The following RPP30 variants were observed in gnomAD, a reference collection of about 807,000 sequenced individuals.
RPP30 encodes ribonuclease P/MRP subunit p30, also known as ribonuclease P protein subunit p30.
A neutral mutation model predicts 38.6 loss-of-function variants in RPP30; 36 were observed. The observed-to-expected ratio is 0.93, with a 90% CI of 0.71 to 1.23. The LOEUF is 1.23. Ranked by LOEUF, RPP30 falls within the 50% of genes most tolerant of loss-of-function variation. The pLI is 0.00. For synonymous variants in RPP30, 126 were observed against 112.7 expected (o/e 1.12, Z -0.75); for missense variants, 321 against 321.7 (o/e 1.00, Z 0.02).
intron 7 of RPP30, 78 bp downstream of exon 7, chr10:90,894,969 C>G: frequency 1.0e-6 from 1 of 976,948 alleles, no homozygotes; most frequent in Non-Finnish European, 1.7e-6. Flanking sequence ...GTCAAACTGA[C>G]TCCTTTTCCT....
intron 1 of RPP30, among the ~76,000 whole-genome samples, chr10:90,874,080 G>A (rs1277760864): frequency 6.6e-6 from 1 of 151,856 alleles, no homozygotes; most frequent in Admixed American, 6.5e-5. Flanking sequence ...AAATATTTGA[G>A]GGAGGAAGGG....
At chr10:90,908,040 C>T (rs1002139098), downstream of RPP30, among the ~76,000 whole-genome samples, 2 of 152,130 alleles carry the variant, frequency 1.3e-5, no homozygotes, top group Non-Finnish European at 2.9e-5. Flanking sequence ...GTACTGAATA[C>T]TGTAGGCAAC....
chr10:90,907,668 C>T (rs1196787686), downstream of RPP30, among the ~76,000 whole-genome samples: 1 of 152,194 alleles, frequency 6.6e-6, no homozygotes, highest in African/African-American at 2.4e-5. Flanking sequence ...CATATCCTTG[C>T]TGTATTCCAT....
downstream of RPP30, among the ~76,000 whole-genome samples, chr10:90,904,937 A>G (rs1381265138): frequency 2.0e-5 from 3 of 152,254 alleles, no homozygotes; most frequent in African/African-American, 4.8e-5. Flanking sequence ...ATACACACCC[A>G]TAGTAAATCC....
At chr10:90,874,798 C>T (rs1267591352) in intron 1 of RPP30, 71 bp from the exon 2 acceptor site, 4 of 994,440 alleles carry the variant, frequency 4.0e-6, no homozygotes, top group Non-Finnish European at 6.1e-6. Flanking sequence ...CATCTAGACT[C>T]AGGATGGACC....
chr10:90,893,606 CAT>C (rs1847107123), intron 6 of RPP30, among the ~76,000 whole-genome samples: 1 of 152,170 alleles, frequency 6.6e-6, no homozygotes, highest in African/African-American at 2.4e-5. Context: ...CTGTCTTCCT[CAT>C]TATTTTTCTC....
chr10:90,876,934 A>G (rs1487156680), intron 4 of RPP30, among the ~76,000 whole-genome samples: 1 of 152,128 alleles, frequency 6.6e-6, no homozygotes, highest in African/African-American at 2.4e-5. Flanking sequence ...CAGGTAGGTA[A>G]TGGTGTACCA....
rs1368640914 is a variant in RPP30 at position 90,875,574 on chromosome 10, T to G, written c.155T>G (p.Val52Gly). The change falls in exon 3 of 11, where the codon GTA (valine) becomes GGA (glycine). Residue 52 changes from valine (V) to glycine (G), a missense_variant. By Grantham distance (109) the Val-to-Gly change is moderately radical. Transcript: ENST00000371703. ...KEKKQEIEKP[V>G]AVSELFTTLP... is the part of the protein sequence containing the mutation. ...TTGTTGTAGGAAATTGAAAAACCAG[T>G]AGCTGTTTCTGAACTCTTCACAACT... 1 of 1,613,466 alleles carries G rather than the reference T, an allele frequency of 6.2e-7. No individual in the cohort carries two copies. Among genetic ancestry groups the G allele is most frequent in the Admixed American group, 1.7e-5 (1 of 60,012 alleles).
intron 10 of RPP30, among the ~76,000 whole-genome samples, chr10:90,899,363 G>A (rs542742219): frequency 6.6e-6 from 1 of 152,280 alleles, no homozygotes; most frequent in African/African-American, 2.4e-5. Context: ...TGATAAATGG[G>A]AAAATAATGC....
chr10:90,898,392 TTGGGATCAGTA>T (rs1194291046), intron 10 of RPP30, among the ~76,000 whole-genome samples: 1 of 152,144 alleles, frequency 6.6e-6, no homozygotes, highest in African/African-American at 2.4e-5. Flanking sequence ...TTCGTTGCCA[TTGGGATCAGTA>T]TGAGACGGTA....
intron 6 of RPP30, among the ~76,000 whole-genome samples, chr10:90,893,454 C>T (rs1475838591): frequency 6.6e-6 from 1 of 152,240 alleles, no homozygotes; most frequent in Non-Finnish European, 1.5e-5. Flanking sequence ...TGAAAGAGTA[C>T]TGCCACTCAA....
chr10:90,874,866 C>A lies in RPP30; in HGVS notation c.83-3C>A. The A allele has an allele frequency of 6.3e-7, 1 of 1,591,202 alleles. No individual in the cohort carries two copies. The highest frequency in any genetic ancestry group is 8.6e-7 in the Non-Finnish European group (1 of 1,165,966). On this transcript the variant is annotated splice_region_variant and splice_polypyrimidine_tract_variant and intron_variant, in intron 1 of 10. Coordinates refer to ENST00000371703, the MANE Select transcript of RPP30 (RefSeq NM_006413.5). ...ACAAAAGTGTTCAATTTTTCTTTTTCAGTTGGCTATTCAGTTGTTGCTATC... is the reference window on the plus strand; with the variant it reads ...ACAAAAGTGTTCAATTTTTCTTTTTAAGTTGGCTATTCAGTTGTTGCTATC...
intron 6 of RPP30, among the ~76,000 whole-genome samples, chr10:90,887,270 C>T (rs568195032): frequency 6.6e-6 from 1 of 152,080 alleles, no homozygotes; most frequent in Admixed American, 6.5e-5. Context: ...GCCTGACCCA[C>T]CCAATGGGGA....
intron 5 of RPP30, among the ~76,000 whole-genome samples, chr10:90,882,478 A>G (rs1014553941): frequency 1.3e-5 from 2 of 150,082 alleles, no homozygotes; most frequent in African/African-American, 4.9e-5. Flanking sequence ...CCTGGCTAAC[A>G]CGGTGAAACC....
intron 5 of RPP30, chr10:90,879,978 C>T (rs993282944): frequency 2.6e-5 from 4 of 152,026 alleles, no homozygotes. Context: ...TTTCTAGGTT[C>T]ATTAAAATGT....
chr10:90,872,896 TCCACTGCTG>T (rs1846801089), intron 1 of RPP30, among the ~76,000 whole-genome samples: 1 of 152,186 alleles, frequency 6.6e-6, no homozygotes, highest in Non-Finnish European at 1.5e-5. Flanking sequence ...ACTGTCCCTT[TCCACTGCTG>T]CCACTAAATG....
In RPP30 at chr10:90,885,842, G is replaced by A; in HGVS notation, c.373G>A (p.Val125Ile). ...IACTHLDVDL[V>I]CITVTEKLPF... is the part of the protein sequence containing the mutation. ...TTGCACACATTTAGATGTGGATTTA[G>A]TCTGCATAACTGTAACAGAGAAACT... is the stretch of plus-strand genomic sequence containing the variant. The change falls in exon 6 of 11, where the codon GTC becomes ATC. Residue 125 changes from valine to isoleucine, a missense_variant. Transcript: ENST00000371703. The A allele has an allele frequency of 6.2e-7, 1 of 1,611,542 alleles. No homozygotes were observed. Among genetic ancestry groups the A allele is most frequent in the Non-Finnish European group, 8.5e-7 (1 of 1,179,056 alleles).
chr10:90,872,498 G>T (rs1846793308), intron 1 of RPP30, among the ~76,000 whole-genome samples: 1 of 152,150 alleles, frequency 6.6e-6, no homozygotes, highest in Admixed American at 6.5e-5. Flanking sequence ...GGAGGAGGAC[G>T]TGGGAGTGTT....
chr10:90,885,772 A>G lies in RPP30; in HGVS notation c.343-40A>G, dbSNP rs372067553. ...CTATCTCCCATTCTTACTTGTGCCAATTTTCCTTTTGGCCTTACCTATTTT... is the reference window on the plus strand; with the variant it reads ...CTATCTCCCATTCTTACTTGTGCCAGTTTTCCTTTTGGCCTTACCTATTTT... On this transcript the variant is annotated intron_variant, in intron 5 of 10. Coordinates refer to ENST00000371703, the MANE Select transcript of RPP30 (RefSeq NM_006413.5). 7.1e-5 allele frequency: 96 copies of G among 1,354,872 alleles called. 1 individual carries two copies. Among genetic ancestry groups the G allele is most frequent in the Non-Finnish European group, 9.6e-5 (91 of 949,044 alleles). 83.9% of individuals were successfully genotyped at this position (1,354,872 alleles called of 1,614,324 possible).
Sources: gnomAD v4.1 joint callset for allele counts (sites outside exome capture counted in the v4.1 genomes callset) on GRCh38, gnomAD v4.1.1 for gene constraint, MANE v1.5 for transcripts, NCBI Gene and HGNC (gene_info 2026-07-23, HGNC 2026-07-21) for gene names.